The following FKBP9 variants were observed in gnomAD, a reference collection of about 807,000 sequenced individuals.
FKBP9 encodes FKBP prolyl isomerase 9, also known as peptidyl-prolyl cis-trans isomerase FKBP9.
A neutral mutation model predicts 55.6 loss-of-function variants in FKBP9; 27 were observed. The ratio of observed to expected loss-of-function variants is 0.49; its 90% CI spans 0.36 to 0.67. FKBP9 has a LOEUF of 0.67. FKBP9 is among the 30% of genes least tolerant of loss of function. The pLI is 0.00. For synonymous variants in FKBP9, 267 were observed against 296.5 expected, an observed-to-expected ratio of 0.90 and a Z score of 1.02; for missense variants, 539 against 742.8, an observed-to-expected ratio of 0.73 and a Z score of 3.19.
chr7:32,986,769 CCTT>C lies in FKBP9; in HGVS notation c.894-1732_894-1730del, dbSNP rs530434696. Among the ~76,000 whole-genome samples, 37 of 152,292 alleles carry C rather than the reference CCTT, an allele frequency of 2.4e-4. No homozygotes were observed. In the East Asian group the frequency reaches 2.9e-3, roughly 12 times the overall value. ...TATCGGCCTGGCCCTGCTCGGCAGT[CCTT>C]CTTCTCCGGGGCATCATGCCCTGGC... On this transcript the variant is annotated intron_variant, in intron 5 of 9. Transcript: ENST00000242209.
chr7:33,004,286 G>A (rs1225050491), intron 9 of FKBP9, among the ~76,000 whole-genome samples: 4 of 152,106 alleles, frequency 2.6e-5, no homozygotes, highest in African/African-American at 9.7e-5. Flanking sequence ...TCACACAGAA[G>A]CTGGGTCAGA....
intron 5 of FKBP9, among the ~76,000 whole-genome samples, chr7:32,982,800 C>G (rs1029267181): frequency 1.3e-5 from 2 of 152,240 alleles, no homozygotes; most frequent in Non-Finnish European, 2.9e-5. Context: ...ATTCTAACAG[C>G]TGCATATATT....
At position 32,957,685 on chromosome 7, in the gene FKBP9, A is replaced by T. The variant is rs761849310; in HGVS notation, c.112A>T (p.Ile38Phe). The T allele has an allele frequency of 5.4e-5, 83 of 1,530,486 alleles. No individual in the cohort carries two copies. The African/African-American group carries it at 1.0e-3, about 19-fold the overall frequency. 94.8% of individuals were successfully genotyped at this position (1,530,486 alleles called of 1,614,324 possible). Residue 38 changes from isoleucine (I) to phenylalanine (F), a missense_variant, in exon 1 of 10, where the codon ATC becomes TTC. Coordinates refer to ENST00000242209, the MANE Select transcript of FKBP9 (RefSeq NM_007270.5). ...CCTGGGCTCCGACGCGGAGCTGCAGATCGAGCGGCGCTTCGTGCCCGACGA... is the reference window on the plus strand; with the variant it reads ...CCTGGGCTCCGACGCGGAGCTGCAGTTCGAGCGGCGCTTCGTGCCCGACGA... Reference protein sequence around the residue: ...AGLGSDAELQIERRFVPDECP... With the variant: ...AGLGSDAELQFERRFVPDECP...
intron 1 of FKBP9, among the ~76,000 whole-genome samples, chr7:32,964,042 A>G (rs956172913): frequency 7.2e-5 from 11 of 152,260 alleles, no homozygotes; most frequent in African/African-American, 2.2e-4. Context: ...GTGTCAGAAC[A>G]ACTGGCCAGG....
intron 5 of FKBP9, among the ~76,000 whole-genome samples, chr7:32,987,862 T>C (rs1440402743): frequency 2.0e-5 from 3 of 152,144 alleles, no homozygotes; most frequent in Non-Finnish European, 4.4e-5. Context: ...AGAGCTTGAT[T>C]GTTTTCATTA....
intron 8 of FKBP9, chr7:33,002,106 C>T (rs1290711739): frequency 2.0e-5 from 3 of 151,870 alleles, no homozygotes; most frequent in Non-Finnish European, 4.4e-5. Context: ...GACACAATAC[C>T]TATCTTTTCT....
At chr7:32,967,227 GTTA>G (rs1019681981) in intron 1 of FKBP9, among the ~76,000 whole-genome samples, 5 of 152,210 alleles carry the variant, frequency 3.3e-5, no homozygotes, top group Non-Finnish European at 7.4e-5. Context: ...CACCCACTTT[GTTA>G]TTACTTTAAA....
At chr7:32,965,866 T>TATATGTATACACATATATATAC (rs70989913) in intron 1 of FKBP9, among the ~76,000 whole-genome samples, 18 of 97,538 alleles carry the variant, frequency 1.8e-4, no homozygotes, top group African/African-American at 8.5e-4. Flanking sequence ...TATATATATA[T>TATATGTATACACATATATATAC]ACATACATAT....
At chr7:32,994,738 A>G (rs1454064736) in intron 6 of FKBP9, among the ~76,000 whole-genome samples, 1 of 151,930 alleles carries the variant, frequency 6.6e-6, no homozygotes, top group African/African-American at 2.4e-5. Context: ...TAAACAATAC[A>G]TGTTTAATTT....
At chr7:33,000,060 C>A in intron 7 of FKBP9, 55 bp from the exon 8 acceptor site, 2 of 1,607,560 alleles carry the variant, frequency 1.2e-6, no homozygotes, top group Non-Finnish European at 1.7e-6. Flanking sequence ...CATGGGAACA[C>A]TCTCAGTGCC....
chr7:32,969,599 A>G (rs1784215067), intron 1 of FKBP9, among the ~76,000 whole-genome samples: 1 of 152,094 alleles, frequency 6.6e-6, no homozygotes, highest in African/African-American at 2.4e-5. Flanking sequence ...TTGGGTCAGT[A>G]CCATGCTGCC....
intron 1 of FKBP9, among the ~76,000 whole-genome samples, chr7:32,964,438 G>A (rs190845157): frequency 6.6e-6 from 1 of 152,336 alleles, no homozygotes; most frequent in African/African-American, 2.4e-5. Context: ...TAACAGCAAT[G>A]GATTTTGCTT....
chr7:32,960,110 T>C (rs1191735058), intron 1 of FKBP9, among the ~76,000 whole-genome samples: 1 of 142,338 alleles, frequency 7.0e-6, no homozygotes, highest in East Asian at 2.0e-4. Context: ...GTACTTGTCT[T>C]TTTTTTTTTT....
At chr7:32,961,542 A>C (rs1168416166) in intron 1 of FKBP9, among the ~76,000 whole-genome samples, 6 of 152,178 alleles carry the variant, frequency 3.9e-5, no homozygotes, top group African/African-American at 1.4e-4. Context: ...AAAATAAATA[A>C]ATAGTAAATA....
intron 4 of FKBP9, among the ~76,000 whole-genome samples, chr7:32,977,725 C>T (rs974943257): frequency 1.3e-5 from 2 of 150,546 alleles, no homozygotes; most frequent in Non-Finnish European, 2.9e-5. Context: ...CTCTGTGGAG[C>T]GGAGCAGGAG....
intron 5 of FKBP9, among the ~76,000 whole-genome samples, chr7:32,982,391 G>A (rs1003473193): frequency 7.9e-5 from 12 of 151,956 alleles, no homozygotes; most frequent in African/African-American, 1.2e-4. Context: ...TAAATTATAC[G>A]GATTTCAGAA....
chr7:32,960,617 T>A (rs1321549425), intron 1 of FKBP9, among the ~76,000 whole-genome samples: 2 of 152,234 alleles, frequency 1.3e-5, no homozygotes, highest in African/African-American at 4.8e-5. Context: ...GTTGTCCTAC[T>A]ATCTAGAACA....
At chr7:32,974,965 T>G (rs2127980426) in intron 2 of FKBP9, 1 of 635,570 alleles carries the variant, frequency 1.6e-6, no homozygotes, top group East Asian at 2.7e-5. Context: ...ACAGATGTAC[T>G]GAATGATACC....
At chr7:32,971,460 T>TCTTTCTTC (rs1204097886) in intron 1 of FKBP9, among the ~76,000 whole-genome samples, 5 of 152,212 alleles carry the variant, frequency 3.3e-5, no homozygotes, top group South Asian at 4.1e-4. Flanking sequence ...TTTCTTCCTT[T>TCTTTCTTC]CTTTCTTCCT....
Sources: gnomAD v4.1 joint callset for allele counts (sites outside exome capture counted in the v4.1 genomes callset) on GRCh38, gnomAD v4.1.1 for gene constraint, MANE v1.5 for transcripts, NCBI Gene and HGNC (gene_info 2026-07-23, HGNC 2026-07-21) for gene names.